The following NARS2 variants were observed in gnomAD, a reference collection of about 807,000 sequenced individuals.
NARS2 encodes asparaginyl-tRNA synthetase 2, mitochondrial.
NARS2 carries 60 observed loss-of-function variants against 62.9 expected under a neutral mutation model. That is an observed-to-expected ratio of 0.95 (90% confidence interval 0.77 to 1.18). The LOEUF (loss-of-function observed/expected upper bound fraction) is 1.18. NARS2 is among the 50% of genes most tolerant of loss of function. NARS2 has a pLI of 0.00. For synonymous variants in NARS2, 196 were observed against 200.0 expected (o/e 0.98, Z 0.17); for missense variants, 619 against 576.4 (o/e 1.07, Z -0.76).
chr11:78,463,551 C>A (rs529742618), intron 11 of NARS2, among the ~76,000 whole-genome samples: 2 of 151,572 alleles, frequency 1.3e-5, no homozygotes, highest in African/African-American at 4.8e-5. Flanking sequence ...ATGGGTGTGG[C>A]GGCACACGCC....
chr11:78,475,466 T>C (rs1278367152), intron 9 of NARS2, among the ~76,000 whole-genome samples: 2 of 152,188 alleles, frequency 1.3e-5, no homozygotes, highest in Non-Finnish European at 2.9e-5. Context: ...TTTTGGTTTT[T>C]TGAGAAACCT....
At chr11:78,480,289 G>T (rs925191901) in intron 7 of NARS2, among the ~76,000 whole-genome samples, 1 of 151,796 alleles carries the variant, frequency 6.6e-6, no homozygotes, top group East Asian at 1.9e-4. Context: ...TTTTTTAGAC[G>T]GAGTCTTGCT....
At chr11:78,507,176 G>A (rs981532681) in intron 6 of NARS2, among the ~76,000 whole-genome samples, 5 of 122,848 alleles carry the variant, frequency 4.1e-5, no homozygotes, top group Non-Finnish European at 8.0e-5. Context: ...ACCCTGCCCC[G>A]GTATTATTTA....
intron 6 of NARS2, among the ~76,000 whole-genome samples, chr11:78,504,435 T>TTTGG (rs536024159): frequency 0.16 from 2,003 of 12,212 alleles, 92 homozygotes; most frequent in African/African-American, 0.29. Flanking sequence ...AAAACACCAG[T>TTTGG]TTTTTTTTTT....
intron 6 of NARS2, among the ~76,000 whole-genome samples, chr11:78,516,969 G>A (rs1483862274): frequency 6.6e-6 from 1 of 152,200 alleles, no homozygotes; most frequent in Non-Finnish European, 1.5e-5. Flanking sequence ...GGAGGTGATG[G>A]TGGTGGTTAA....
At chr11:78,494,350 T>C (rs1036566254) in intron 6 of NARS2, among the ~76,000 whole-genome samples, 1 of 152,158 alleles carries the variant, frequency 6.6e-6, no homozygotes, top group African/African-American at 2.4e-5. Context: ...TGAGGCTCCT[T>C]AGCTATGATC....
chr11:78,460,270 A>ATTTT (rs1288374626), intron 11 of NARS2, among the ~76,000 whole-genome samples: 7 of 121,702 alleles, frequency 5.8e-5, no homozygotes, highest in African/African-American at 2.5e-4. Flanking sequence ...TGATTGGGTT[A>ATTTT]ATTTTTTTTT....
At chr11:78,557,122 T>C (rs1302671200) in intron 5 of NARS2, among the ~76,000 whole-genome samples, 1 of 151,948 alleles carries the variant, frequency 6.6e-6, no homozygotes, top group East Asian at 1.9e-4. Flanking sequence ...AAAGGAAGAG[T>C]AAAATGATAG....
intron 12 of NARS2, among the ~76,000 whole-genome samples, chr11:78,441,677 C>T (rs906811680): frequency 3.3e-5 from 5 of 150,418 alleles, no homozygotes; most frequent in East Asian, 1.9e-4. Flanking sequence ...TGCCACTGCA[C>T]GCCAGTCTGG....
intron 7 of NARS2, among the ~76,000 whole-genome samples, chr11:78,479,218 A>G (rs1188169981): frequency 6.6e-6 from 1 of 152,232 alleles, no homozygotes; most frequent in Non-Finnish European, 1.5e-5. Flanking sequence ...ATATAAATAT[A>G]TACATTTTTG....
rs370150532 is a variant in NARS2, at chr11:78,436,813, A to G, written c.1291T>C (p.Tyr431His). Residue 431 changes from tyrosine (Y) to histidine (H), a missense_variant and splice_region_variant, in exon 14 of 14, where the codon TAT becomes CAT. Transcript: ENST00000281038. ...RSGLTEVYQWYLDLRRFGSVP... is the reference protein window; with the variant it reads ...RSGLTEVYQWHLDLRRFGSVP... ...GATCCAAATCGACGAAGGTCCAGAT[A>G]CCTGTTTTTCAAAAATAGAAAATCA... is the stretch of plus-strand genomic sequence containing the variant. 9.5e-5 allele frequency: 154 copies of G among 1,613,352 alleles called. No homozygotes were observed. The highest frequency in any genetic ancestry group is 1.3e-4 in the Non-Finnish European group (149 of 1,179,798).
intron 9 of NARS2, among the ~76,000 whole-genome samples, chr11:78,470,679 C>A (rs1858832387): frequency 6.6e-6 from 1 of 152,090 alleles, no homozygotes; most frequent in East Asian, 1.9e-4. Context: ...CCTATATATA[C>A]CTATTTAATA....
Position 78,485,149 on chromosome 11 carries a change from A to G in NARS2, c.823-6466T>C, listed in dbSNP as rs1317188632. Among the ~76,000 whole-genome samples, 3 of 152,058 alleles carry G rather than the reference A, an allele frequency of 2.0e-5. No homozygotes were observed. In the East Asian group the frequency reaches 5.8e-4, roughly 29 times the overall value. On this transcript the variant is annotated intron_variant, in intron 7 of 13. Coordinates refer to ENST00000281038, the MANE Select transcript of NARS2 (RefSeq NM_024678.6). ...CTAACAAAGGAACAGAAAACCAAAC[A>G]CTGCGTGTTTTCACTCACAAGTGGG...
chr11:78,439,044 C>CT (rs1380009861), intron 13 of NARS2, among the ~76,000 whole-genome samples: 1,575 of 146,360 alleles, frequency 0.011, 13 homozygotes, highest in Non-Finnish European at 0.014. Flanking sequence ...CTGTATTTAG[C>CT]TTTTTTTTTT....
chr11:78,437,804 G>A (rs553728252), intron 13 of NARS2, among the ~76,000 whole-genome samples: 6 of 151,688 alleles, frequency 4.0e-5, no homozygotes, highest in South Asian at 2.1e-4. Flanking sequence ...GTGATACCCC[G>A]TCTCTACTAA....
At chr11:78,505,613 C>T (rs1306536146) in intron 6 of NARS2, among the ~76,000 whole-genome samples, 1 of 152,088 alleles carries the variant, frequency 6.6e-6, no homozygotes, top group Non-Finnish European at 1.5e-5. Flanking sequence ...TCATCATTAT[C>T]TACCTGAAGT....
At chr11:78,476,081 G>A (rs1307494775) in intron 9 of NARS2, among the ~76,000 whole-genome samples, 1 of 152,226 alleles carries the variant, frequency 6.6e-6, no homozygotes, top group Non-Finnish European at 1.5e-5. Context: ...GGGGGTGGAT[G>A]CTGAGGCTAG....
At chr11:78,449,229 C>T (rs182508583) in intron 11 of NARS2, among the ~76,000 whole-genome samples, 94 of 150,798 alleles carry the variant, frequency 6.2e-4, no homozygotes, top group East Asian at 3.9e-4. Flanking sequence ...TCCACCTCCC[C>T]GGTTCATGCT....
intron 5 of NARS2, among the ~76,000 whole-genome samples, chr11:78,549,497 T>C (rs1001198139): frequency 2.6e-5 from 4 of 152,246 alleles, no homozygotes; most frequent in African/African-American, 7.2e-5. Flanking sequence ...GAAAGGCAGA[T>C]TGAAAGAGTC....
Sources: gnomAD v4.1 joint callset for allele counts (sites outside exome capture counted in the v4.1 genomes callset) on GRCh38, gnomAD v4.1.1 for gene constraint, MANE v1.5 for transcripts, NCBI Gene and HGNC (gene_info 2026-07-23, HGNC 2026-07-21) for gene names.